The following FAM81B variants were observed in gnomAD, a reference collection of about 807,000 sequenced individuals.
FAM81B encodes the protein family with sequence similarity 81 member B.
Under a neutral mutation model 58.7 loss-of-function variants are expected in FAM81B, and 60 were observed. The observed-to-expected ratio is 1.02, with a 90% CI of 0.83 to 1.27. The LOEUF (loss-of-function observed/expected upper bound fraction) is 1.27. Among genes scored for constraint, FAM81B ranks in the 50% most tolerant of loss-of-function variants. FAM81B has a pLI of 0.00. For synonymous variants in FAM81B, 189 were observed against 179.6 expected, an observed-to-expected ratio of 1.05 and a Z score of -0.42; for missense variants, 491 against 522.0, an observed-to-expected ratio of 0.94 and a Z score of 0.58.
At chr5:95,424,652 G>A (rs184667249) in intron 5 of FAM81B, among the ~76,000 whole-genome samples, 9 of 152,302 alleles carry the variant, frequency 5.9e-5, no homozygotes, top group Admixed American at 4.6e-4. Context: ...CAATTTTCAA[G>A]TTGTAGGATA....
intron 9 of FAM81B, among the ~76,000 whole-genome samples, chr5:95,449,356 G>A (rs891471207): frequency 2.6e-5 from 4 of 152,078 alleles, no homozygotes; most frequent in Admixed American, 2.6e-4. Context: ...ATCTGGCCAG[G>A]AATCATGTCC....
intron 1 of FAM81B, among the ~76,000 whole-genome samples, chr5:95,392,085 A>G (rs1310145743): frequency 6.6e-6 from 1 of 152,226 alleles, no homozygotes; most frequent in Non-Finnish European, 1.5e-5. Context: ...CACAATAGCA[A>G]AGACTTGGAA....
At chr5:95,416,966 C>T (rs1402475415) in intron 4 of FAM81B, among the ~76,000 whole-genome samples, 1 of 151,998 alleles carries the variant, frequency 6.6e-6, no homozygotes, top group Non-Finnish European at 1.5e-5. Context: ...ATTACCTGAG[C>T]CCAAGAGGTG....
chr5:95,411,569 C>CG (rs1762406688), intron 3 of FAM81B, among the ~76,000 whole-genome samples: 1 of 152,100 alleles, frequency 6.6e-6, no homozygotes, highest in Admixed American at 6.6e-5. Context: ...TGTATAAATG[C>CG]ATAACACTAT....
intron 6 of FAM81B, among the ~76,000 whole-genome samples, chr5:95,433,637 G>A (rs192963121): frequency 9.9e-4 from 150 of 152,234 alleles, no homozygotes; most frequent in African/African-American, 3.5e-3. Context: ...TTTGAGGATT[G>A]TTTTTGGTGG....
intron 5 of FAM81B, among the ~76,000 whole-genome samples, chr5:95,420,954 A>T (rs953653753): frequency 6.6e-6 from 1 of 152,146 alleles, no homozygotes; most frequent in Admixed American, 6.5e-5. Context: ...ACACCTTTCC[A>T]TCTCTACATC....
intron 4 of FAM81B, among the ~76,000 whole-genome samples, chr5:95,415,681 C>A (rs561385583): frequency 1.1e-4 from 17 of 152,200 alleles, no homozygotes; most frequent in African/African-American, 4.1e-4. Context: ...AAATAAGATT[C>A]CAATTTAGGA....
chr5:95,441,419 A>C (rs1745340626), intron 7 of FAM81B, among the ~76,000 whole-genome samples: 1 of 151,944 alleles, frequency 6.6e-6, no homozygotes, highest in Non-Finnish European at 1.5e-5. Context: ...AAATACAAAA[A>C]TTAGCCGGCC....
rs1475558828 is a variant in FAM81B at position 95,446,606 on chromosome 5, A to G, written c.938A>G (p.Asn313Ser). 2 of 1,612,542 alleles carry G rather than the reference A, an allele frequency of 1.2e-6. No individual in the cohort carries two copies. The highest frequency in any genetic ancestry group is 1.7e-6 in the Non-Finnish European group (2 of 1,179,362). The change falls in exon 8 of 10, where the codon AAT (asparagine) becomes AGT (serine). Residue 313 changes from asparagine to serine, a missense_variant. Asn to Ser is a conservative substitution (Grantham distance 46, BLOSUM62 1). Transcript: ENST00000283357. ...AATCTGTACGAAGAAGTTGAGAATAATAAAAAATGGACAGAAAACCAATTT... is the reference window on the plus strand; with the variant it reads ...AATCTGTACGAAGAAGTTGAGAATAGTAAAAAATGGACAGAAAACCAATTT... Reference protein sequence around the residue: ...SSNLYEEVENNKKWTENQFLK... With the variant: ...SSNLYEEVENSKKWTENQFLK...
At chr5:95,410,124 A>G (rs1762367998) in intron 3 of FAM81B, among the ~76,000 whole-genome samples, 1 of 152,214 alleles carries the variant, frequency 6.6e-6, no homozygotes, top group South Asian at 2.1e-4. Flanking sequence ...TTAAAAAAGG[A>G]CGGGTGGGGA....
chr5:95,402,415 A>T (rs1026553993), intron 3 of FAM81B, among the ~76,000 whole-genome samples: 3 of 152,248 alleles, frequency 2.0e-5, no homozygotes, highest in African/African-American at 2.4e-5. Flanking sequence ...CAATAATAAT[A>T]AGACTACAGT....
intron 4 of FAM81B, among the ~76,000 whole-genome samples, chr5:95,416,916 C>T (rs1038774445): frequency 2.6e-5 from 4 of 151,938 alleles, no homozygotes; most frequent in African/African-American, 9.7e-5. Context: ...GGGTAGTGCA[C>T]GCCTATAGAC....
At chr5:95,403,624 G>T (rs894844181) in intron 3 of FAM81B, among the ~76,000 whole-genome samples, 12 of 152,052 alleles carry the variant, frequency 7.9e-5, no homozygotes, top group East Asian at 5.8e-4. Flanking sequence ...CAGCCAGGTG[G>T]TTTTTTTTAT....
At chr5:95,447,811 A>G (rs1023638520) in intron 8 of FAM81B, among the ~76,000 whole-genome samples, 8 of 152,184 alleles carry the variant, frequency 5.3e-5, no homozygotes, top group Non-Finnish European at 5.9e-5. Flanking sequence ...AAATCCTATC[A>G]GTTCTTGAGC....
At chr5:95,441,525 T>C (rs1280748324) in intron 7 of FAM81B, among the ~76,000 whole-genome samples, 7 of 151,842 alleles carry the variant, frequency 4.6e-5, no homozygotes, top group East Asian at 3.9e-4. Context: ...GCAGAGATCG[T>C]GCCACTCTCC....
chr5:95,397,668 G>T (rs1425423618), intron 3 of FAM81B, among the ~76,000 whole-genome samples: 1 of 152,182 alleles, frequency 6.6e-6, no homozygotes, highest in Non-Finnish European at 1.5e-5. Flanking sequence ...CAAAGAGGAA[G>T]AAATAGTCTA....
At chr5:95,427,765 C>T (rs989656645) in intron 5 of FAM81B, among the ~76,000 whole-genome samples, 3 of 152,166 alleles carry the variant, frequency 2.0e-5, no homozygotes, top group Non-Finnish European at 2.9e-5. Context: ...TCCTTCAGTG[C>T]TCTTCAACCT....
At chr5:95,441,106 C>G (rs1450023646) in intron 7 of FAM81B, among the ~76,000 whole-genome samples, 1 of 152,094 alleles carries the variant, frequency 6.6e-6, no homozygotes, top group Non-Finnish European at 1.5e-5. Flanking sequence ...TTTTATGTCA[C>G]CTCACTTGCC....
intron 7 of FAM81B, chr5:95,440,337 G>T: frequency 8.5e-6 from 8 of 946,296 alleles, no homozygotes; most frequent in Non-Finnish European, 1.3e-5. Context: ...GATCAATTTG[G>T]ATGTAAATAA....
Sources: gnomAD v4.1 joint callset for allele counts (sites outside exome capture counted in the v4.1 genomes callset) on GRCh38, gnomAD v4.1.1 for gene constraint, MANE v1.5 for transcripts, NCBI Gene and HGNC (gene_info 2026-07-23, HGNC 2026-07-21) for gene names.